FBLN2: variants seen among roughly 807,000 people sequenced by gnomAD.
FBLN2 encodes fibulin-2.
In FBLN2, 81 loss-of-function variants were observed where a neutral mutation model predicts 123.7. The ratio of observed to expected loss-of-function variants is 0.65; its 90% confidence interval spans 0.55 to 0.79. The LOEUF (loss-of-function observed/expected upper bound fraction) is 0.79, where lower values mean the gene tolerates loss of function less well. FBLN2 is among the 30% of genes least tolerant of loss of function. FBLN2 has a pLI of 0.00. For synonymous variants in FBLN2, 699 were observed against 701.4 expected (o/e 1.00, Z 0.05); for missense variants, 1,603 against 1,681.3 (o/e 0.95, Z 0.81).
At chr3:13,597,099 T>G (rs1279884693) in intron 2 of FBLN2, among the ~76,000 whole-genome samples, 1 of 152,072 alleles carries the variant, frequency 6.6e-6, no homozygotes, top group Non-Finnish European at 1.5e-5. Context: ...GCCTGGCTAA[T>G]TTTTAAATTT....
chr3:13,604,800 C>A (rs1463770232), intron 2 of FBLN2, among the ~76,000 whole-genome samples: 1 of 152,180 alleles, frequency 6.6e-6, no homozygotes, highest in African/African-American at 2.4e-5. Context: ...AGCTGTTTTC[C>A]CTGTTTTACA....
intron 2 of FBLN2, among the ~76,000 whole-genome samples, chr3:13,600,017 CAGAGAGAGAGAG>C (rs113759892): frequency 1.5e-5 from 2 of 137,290 alleles, no homozygotes; most frequent in Non-Finnish European, 3.1e-5. Context: ...AAAAACACGA[CAGAGAGAGAGAG>C]AGAGAGAGAG....
intron 15 of FBLN2, 76 bp from the exon 16 acceptor site, chr3:13,631,253 A>G (rs1706245198): frequency 6.5e-7 from 1 of 1,535,766 alleles, no homozygotes; most frequent in Non-Finnish European, 8.8e-7. Context: ...TGGCTGTGAC[A>G]GGGACAGGCT....
In FBLN2 at chr3:13,618,918, C is replaced by A. The variant is rs1001412948; in HGVS notation, c.1954C>A (p.Gln652Lys). ...RTCRPEGHPP[Q>K]PEAPQEPALK... ...ACCCATGACAGAGGGTCACCCTCCA[C>A]AGCCGGAAGCCCCACAGGAGCCTGC... The change falls in exon 7 of 18, where the codon CAG becomes AAG. Residue 652 changes from glutamine (Q) to lysine (K), a missense_variant. By Grantham distance (53) the Gln-to-Lys change is moderately conservative. Transcript: ENST00000404922. The A allele has an allele frequency of 6.2e-7, 1 of 1,612,978 alleles. No homozygotes were observed. Among genetic ancestry groups the A allele is most frequent in the Non-Finnish European group, 8.5e-7 (1 of 1,179,540 alleles).
At chr3:13,617,242 C>G (rs1705649036) in intron 5 of FBLN2, among the ~76,000 whole-genome samples, 1 of 151,832 alleles carries the variant, frequency 6.6e-6, no homozygotes, top group South Asian at 2.1e-4. Context: ...GTTCATCTGT[C>G]TGTCCACCCA....
chr3:13,580,903 C>T (rs959699903), intron 2 of FBLN2, among the ~76,000 whole-genome samples: 4 of 152,232 alleles, frequency 2.6e-5, no homozygotes, highest in African/African-American at 9.6e-5. Context: ...GTGGCTGACA[C>T]CTGCTGGGCC....
chr3:13,559,573 T>G (rs111249677), intron 1 of FBLN2, among the ~76,000 whole-genome samples: 3,613 of 152,264 alleles, frequency 0.024, 52 homozygotes, highest in Non-Finnish European at 0.034. Context: ...GAATGGGAAG[T>G]GCTGATTGGA....
intron 2 of FBLN2, among the ~76,000 whole-genome samples, chr3:13,601,073 CTG>C (rs1705016644): frequency 6.6e-6 from 1 of 152,198 alleles, no homozygotes; most frequent in African/African-American, 2.4e-5. Flanking sequence ...CCCAGCTCAT[CTG>C]TGAAATAGGA....
intron 8 of FBLN2, among the ~76,000 whole-genome samples, chr3:13,620,043 A>G (rs1705794903): frequency 6.6e-6 from 1 of 152,070 alleles, no homozygotes; most frequent in Non-Finnish European, 1.5e-5. Flanking sequence ...GTGGGCCTGC[A>G]GTGTGGCTGC....
At chr3:13,609,739 G>A (rs1374621926) in intron 4 of FBLN2, 97 bp downstream of exon 4, 23 of 1,432,572 alleles carry the variant, frequency 1.6e-5, no homozygotes, top group Non-Finnish European at 2.2e-5. Context: ...AAGTTAGGCT[G>A]TCCTTGGGGC....
chr3:13,556,957 T>C (rs1341314658), intron 1 of FBLN2, among the ~76,000 whole-genome samples: 1 of 152,288 alleles, frequency 6.6e-6, no homozygotes, highest in African/African-American at 2.4e-5. Flanking sequence ...ATCTTTCTTT[T>C]GTCTCTGCCT....
chr3:13,565,040 G>A (rs2125038255), intron 1 of FBLN2, among the ~76,000 whole-genome samples: 1 of 152,276 alleles, frequency 6.6e-6, no homozygotes, highest in South Asian at 2.1e-4. Context: ...GGTGCCTTGT[G>A]AGGAGTGGGC....
chr3:13,629,845 AG>A lies in FBLN2; in HGVS notation c.2870del (p.Gly957AlafsTer25). ...IDVNECWASP[G>X]RLCQHTCENT... The stretch of plus-strand genomic sequence containing the variant: ...ACGTGAATGAGTGCTGGGCCTCGCC[AG>A]GCCGCCTGTGCCAGCACACGTGTGA... On this transcript the variant is annotated frameshift_variant, in exon 14 of 18. Coordinates refer to ENST00000404922, the MANE Select transcript of FBLN2 (RefSeq NM_001004019.2). LOFTEE classifies it high-confidence loss of function. The A allele has an allele frequency of 6.3e-7, 1 of 1,582,108 alleles. No individual in the cohort carries two copies. The highest frequency in any genetic ancestry group is 8.6e-7 in the Non-Finnish European group (1 of 1,165,058).
chr3:13,579,795 T>C (rs1704263914), intron 2 of FBLN2, among the ~76,000 whole-genome samples: 2 of 152,352 alleles, frequency 1.3e-5, no homozygotes, highest in South Asian at 2.1e-4. Flanking sequence ...GTGAGGTCGA[T>C]GTGTCTGTGC....
At chr3:13,623,989 C>G (rs550783225) in intron 9 of FBLN2, among the ~76,000 whole-genome samples, 1 of 152,200 alleles carries the variant, frequency 6.6e-6, no homozygotes, top group Non-Finnish European at 1.5e-5. Flanking sequence ...CAAGGACTCC[C>G]CTGTGTTTAC....
In FBLN2 at chr3:13,570,895, C is replaced by T; in HGVS notation, c.540C>T (p.Asn180=). The change falls in exon 2 of 18, where the codon AAC becomes AAT. Residue 180 remains asparagine, a synonymous_variant. Coordinates refer to ENST00000404922, the MANE Select transcript of FBLN2 (RefSeq NM_001004019.2). ...ICYQLPGCHG[N]FSDAEEGDPE... ...ACCAGCTCCCCGGTTGCCACGGGAACTTCTCAGATGCCGAGGAGGGTGACC... is the reference window on the plus strand; with the variant it reads ...ACCAGCTCCCCGGTTGCCACGGGAATTTCTCAGATGCCGAGGAGGGTGACC... 1 of 1,612,608 alleles carries T rather than the reference C, an allele frequency of 6.2e-7. No homozygotes were observed. Among genetic ancestry groups the T allele is most frequent in the Non-Finnish European group, 8.5e-7 (1 of 1,179,556 alleles).
intron 4 of FBLN2, among the ~76,000 whole-genome samples, chr3:13,612,335 CTTTCTTTT>C (rs1705428673): frequency 9.3e-6 from 1 of 107,442 alleles, no homozygotes; most frequent in Non-Finnish European, 2.1e-5. Context: ...TTCTTTCTTT[CTTTCTTTT>C]CTTTCTTTTT....
chr3:13,623,256 C>G (rs1033311747), intron 9 of FBLN2, among the ~76,000 whole-genome samples: 1 of 152,224 alleles, frequency 6.6e-6, no homozygotes, highest in Non-Finnish European at 1.5e-5. Context: ...CCAGGGCCCA[C>G]GAGCACCCCT....
chr3:13,588,432 C>T (rs1434338631), intron 2 of FBLN2, among the ~76,000 whole-genome samples: 2 of 152,208 alleles, frequency 1.3e-5, no homozygotes, highest in African/African-American at 4.8e-5. Flanking sequence ...TGGAAAGCTG[C>T]CAGGCGGAGG....
Sources: allele counts gnomAD v4.1 joint callset (sites outside exome capture counted in the v4.1 genomes callset), GRCh38; gene constraint gnomAD v4.1.1; transcripts MANE v1.5; gene names NCBI Gene and HGNC (gene_info 2026-07-23, HGNC 2026-07-21).